SKA2: variants seen among roughly 807,000 people sequenced by gnomAD.
SKA2 encodes spindle and kinetochore associated complex subunit 2, also known as spindle and kinetochore-associated protein 2.
In SKA2, 13 loss-of-function variants were observed where a neutral mutation model predicts 16.9. That is an observed-to-expected ratio of 0.77 (90% CI 0.50 to 1.22). The LOEUF is 1.22. Ranked by LOEUF, SKA2 falls within the 50% of genes most tolerant of loss-of-function variation. The pLI, the probability that SKA2 is intolerant of heterozygous loss-of-function variation, is 0.00. For missense variants in SKA2, 107 were observed against 139.7 expected, an observed-to-expected ratio of 0.77 and a Z score of 1.18; for synonymous variants, 47 against 48.5, an observed-to-expected ratio of 0.97 and a Z score of 0.13.
chr17:59,143,518 A>C (rs1360054656), intron 1 of SKA2, among the ~76,000 whole-genome samples: 2 of 152,066 alleles, frequency 1.3e-5, no homozygotes, highest in Non-Finnish European at 2.9e-5. Flanking sequence ...AGTAGCTGGG[A>C]TTACAAACGT....
At chr17:59,114,031 C>T (rs2046280992) in intron 3 of SKA2, among the ~76,000 whole-genome samples, 1 of 152,158 alleles carries the variant, frequency 6.6e-6, no homozygotes, top group Non-Finnish European at 1.5e-5. Context: ...CACAACTCTA[C>T]ACAATGTCCA....
In SKA2 at chr17:59,111,104, A is replaced by T. The variant is rs1017998739; in HGVS notation, c.*1173T>A. ...ACTTTCCTGTCTTGTCCTTCCAAAC[A>T]TCCTGACACTCAAAAGTTAAGTGAT... On this transcript the variant is annotated 3_prime_UTR_variant, in exon 4 of 4. Transcript: ENST00000330137. 6.6e-6 allele frequency: 1 copy of T among 152,138 alleles called. No individual in the cohort carries two copies. The highest frequency in any genetic ancestry group is 1.5e-5 in the Non-Finnish European group (1 of 68,030). The allele number at this position is 152,138 out of a possible 1,614,324, so 9.4% of individuals were successfully genotyped here.
At chr17:59,145,693 G>T (rs1022492875) in intron 1 of SKA2, among the ~76,000 whole-genome samples, 1 of 152,020 alleles carries the variant, frequency 6.6e-6, no homozygotes, top group Admixed American at 6.6e-5. Context: ...GCCCGATCTA[G>T]AAACACTTAA....
intron 3 of SKA2, among the ~76,000 whole-genome samples, chr17:59,118,906 C>T (rs191428779): frequency 2.0e-4 from 30 of 152,266 alleles, no homozygotes; most frequent in Admixed American, 1.6e-3. Context: ...AAATAAATAT[C>T]ACATATGCAG....
intron 2 of SKA2, among the ~76,000 whole-genome samples, chr17:59,128,269 T>C (rs2046385289): frequency 6.6e-6 from 1 of 151,392 alleles, no homozygotes; most frequent in Non-Finnish European, 1.5e-5. Flanking sequence ...CAGTGGAGTA[T>C]TACTCAGCAG....
At chr17:59,144,885 C>T (rs1172088495) in intron 1 of SKA2, among the ~76,000 whole-genome samples, 2 of 152,150 alleles carry the variant, frequency 1.3e-5, no homozygotes, top group African/African-American at 4.8e-5. Flanking sequence ...CATCCTCCAC[C>T]TCCCGGGTTC....
intron 1 of SKA2, chr17:59,137,722 T>A (rs369662203): frequency 2.5e-5 from 13 of 514,368 alleles, no homozygotes; most frequent in Non-Finnish European, 4.7e-5. Flanking sequence ...TTCCTAAAGA[T>A]GACTTTTGCT....
intron 1 of SKA2, chr17:59,154,889 C>T: frequency 6.4e-7 from 1 of 1,559,496 alleles, no homozygotes; most frequent in South Asian, 1.1e-5. Flanking sequence ...CAAGGAATTC[C>T]AAAGGCCCCG....
At chr17:59,117,218 C>T (rs764322005) in intron 3 of SKA2, among the ~76,000 whole-genome samples, 2 of 152,224 alleles carry the variant, frequency 1.3e-5, no homozygotes, top group Middle Eastern at 3.4e-3. Context: ...ACTCTGGGCT[C>T]ATATAACTGT....
At chr17:59,112,382 T>C (rs1416437391) in intron 3 of SKA2, 37 bp from the exon 4 acceptor site, 13 of 1,505,358 alleles carry the variant, frequency 8.6e-6, no homozygotes, top group Non-Finnish European at 9.2e-7. Flanking sequence ...TTTCAAAAAC[T>C]TTCAAAGACT....
In SKA2 at chr17:59,133,850, A is replaced by ACT. The variant is rs1425740611; in HGVS notation, c.34-2484_34-2483insAG. ...GGGAGGGTACAGATAAAAGAAAGAGAAGGTTTTTGTTTTTAAACATATTTT... is the reference window on the plus strand; with the variant it reads ...GGGAGGGTACAGATAAAAGAAAGAGACTAGGTTTTTGTTTTTAAACATATTTT... On this transcript the variant is annotated intron_variant, in intron 1 of 3. Transcript: ENST00000330137. Among the ~76,000 whole-genome samples, 15 of 152,270 alleles carry ACT rather than the reference A, an allele frequency of 9.9e-5. 1 individual carries two copies. The East Asian group carries it at 2.1e-3, about 22-fold the overall frequency.
intron 3 of SKA2, among the ~76,000 whole-genome samples, chr17:59,118,923 C>T (rs1282609834): frequency 1.3e-5 from 2 of 152,082 alleles, no homozygotes; most frequent in African/African-American, 4.8e-5. Flanking sequence ...GCAGCCCTTC[C>T]TCCTTCCCAT....
chr17:59,112,397 T>C, intron 3 of SKA2, 52 bp from the exon 4 acceptor site: 1 of 1,381,192 alleles, frequency 7.2e-7, no homozygotes, highest in Non-Finnish European at 1.0e-6. Context: ...AAGACTTAAA[T>C]CAGTTTAGTT....
In SKA2 at chr17:59,119,507, A is replaced by G. The variant is rs747202058; in HGVS notation, c.121-12T>C. The G allele has an allele frequency of 6.2e-7, 1 of 1,610,860 alleles. No individual in the cohort carries two copies. Among genetic ancestry groups the G allele is most frequent in the East Asian group, 2.2e-5 (1 of 44,848 alleles). On this transcript the variant is annotated splice_polypyrimidine_tract_variant and intron_variant, in intron 2 of 3. Coordinates refer to ENST00000330137, the MANE Select transcript of SKA2 (RefSeq NM_182620.4). ...GTAACTGGATTTTTCTATGTCAGGA[A>G]AAAAGTGAACATGTATTAAATTATG...
intron 2 of SKA2, chr17:59,129,555 GAAAGGAAGA>G (rs1568305502): frequency 3.3e-5 from 5 of 151,854 alleles, no homozygotes; most frequent in African/African-American, 1.2e-4. Context: ...AGTGAGGAAA[GAAAGGAAGA>G]AAAGGAAGGA....
At chr17:59,155,055 T>C (rs776440495) in intron 1 of SKA2, 76 bp downstream of exon 1, 4 of 1,613,936 alleles carry the variant, frequency 2.5e-6, no homozygotes, top group Admixed American at 1.7e-5. Context: ...TTCCGGCGAC[T>C]CCAAATTGTG....
At chr17:59,128,131 C>T (rs1212669356) in intron 2 of SKA2, among the ~76,000 whole-genome samples, 2 of 151,888 alleles carry the variant, frequency 1.3e-5, no homozygotes, top group African/African-American at 4.8e-5. Context: ...AGGAGAATCG[C>T]TTGAACCCAG....
At chr17:59,145,096 T>C (rs915515566) in intron 1 of SKA2, among the ~76,000 whole-genome samples, 3 of 152,086 alleles carry the variant, frequency 2.0e-5, no homozygotes, top group Admixed American at 2.0e-4. Context: ...CCATGCCCAG[T>C]TGAGAGTTTC....
At chr17:59,140,128 C>T (rs1383716453) in intron 1 of SKA2, among the ~76,000 whole-genome samples, 1 of 152,166 alleles carries the variant, frequency 6.6e-6, no homozygotes, top group East Asian at 1.9e-4. Flanking sequence ...TAAGCAGTAA[C>T]ATGCCCTAAC....
Sources: gnomAD v4.1 joint callset for allele counts (sites outside exome capture counted in the v4.1 genomes callset) on GRCh38, gnomAD v4.1.1 for gene constraint, MANE v1.5 for transcripts, NCBI Gene and HGNC (gene_info 2026-07-23, HGNC 2026-07-21) for gene names.